Variants in ZBTB7B observed in about 807,000 individuals in gnomAD.
ZBTB7B encodes zinc finger and BTB domain-containing protein 7B.
In ZBTB7B, 8 loss-of-function variants were observed where a neutral mutation model predicts 31.0. The observed-to-expected ratio is 0.26, with a 90% CI of 0.15 to 0.47. The LOEUF is 0.47. Among genes scored for constraint, ZBTB7B ranks in the 20% least tolerant of loss-of-function variants. The pLI, the probability that ZBTB7B is intolerant of heterozygous loss-of-function variation, is 0.99. For missense variants in ZBTB7B, 494 were observed against 742.4 expected (o/e 0.67, Z 3.89); for synonymous variants, 261 against 307.3 (o/e 0.85, Z 1.58).
chr1:155,018,340 G>T lies in ZBTB7B; in HGVS notation c.*1655G>T, dbSNP rs1659619155. 1 of 600,162 alleles carries T rather than the reference G, an allele frequency of 1.7e-6. No individual in the cohort carries two copies. Among genetic ancestry groups the T allele is most frequent in the Middle Eastern group, 4.4e-4 (1 of 2,272 alleles). 37.2% of individuals were successfully genotyped at this position (600,162 alleles called of 1,614,324 possible). Reference sequence around the variant, plus strand: ...AGGTGATGGGGGGAGCCCAGGGCTGGGGAGACCTGGGGCCCAGCCCCAGAA... The same window carrying T: ...AGGTGATGGGGGGAGCCCAGGGCTGTGGAGACCTGGGGCCCAGCCCCAGAA... On this transcript the variant is annotated 3_prime_UTR_variant, in exon 3 of 3. Coordinates refer to ENST00000535420, the MANE Select transcript of ZBTB7B (RefSeq NM_001256455.2).
Position 155,003,367 on chromosome 1 carries a change from C to A in ZBTB7B, c.-7+424C>A, listed in dbSNP as rs866555054. ...ACTAGGACAACGCGCACCCCCCCCCCACCCCGCGCCCCCTGGCGCGGTGGA... is the reference window on the plus strand; with the variant it reads ...ACTAGGACAACGCGCACCCCCCCCCAACCCCGCGCCCCCTGGCGCGGTGGA... On this transcript the variant is annotated intron_variant, in intron 1 of 2. Coordinates refer to ENST00000535420, the MANE Select transcript of ZBTB7B (RefSeq NM_001256455.2). This position sits in a 1 kb window ranked among gnomAD's most constrained non-coding sequence, Gnocchi z 5.8. 4.8e-4 allele frequency among the ~76,000 whole-genome samples: 71 copies of A among 148,104 alleles called. No individual in the cohort carries two copies. The highest frequency in any genetic ancestry group is 2.2e-3 in the South Asian group (10 of 4,640).
chr1:155,015,665 G>T lies in ZBTB7B; in HGVS notation c.1005G>T (p.Lys335Asn). ...CACCAGGCCTGGACAGCCAAGACAAGCTGGTGCGCAAACGCCGCTCCCAGA... is the reference window on the plus strand; with the variant it reads ...CACCAGGCCTGGACAGCCAAGACAATCTGGTGCGCAAACGCCGCTCCCAGA... ...NLAPGLDSQD[K>N]LVRKRRSQMP... The change falls in exon 2 of 3, where the codon AAG becomes AAT. Residue 335 changes from lysine to asparagine, a missense_variant. This residue lies in a region of ZBTB7B where 216 missense variants were observed against 229.3 expected (regional missense o/e 0.94). Transcript: ENST00000535420. 1 of 1,613,288 alleles carries T rather than the reference G, an allele frequency of 6.2e-7. No homozygotes were observed. The highest frequency in any genetic ancestry group is 1.1e-5 in the South Asian group (1 of 91,040).
Position 155,016,751 on chromosome 1 carries a change from C to T in ZBTB7B, c.*66C>T, listed in dbSNP as rs958403341. The stretch of plus-strand genomic sequence containing the variant: ...ACACCCATGCCAAGCAGTGGGAGCA[C>T]GCAGGACAGACACAGCAGGGGTCTG... On this transcript the variant is annotated 3_prime_UTR_variant, in exon 3 of 3. Transcript: ENST00000535420. The surrounding 1 kb of genome is among the most constrained non-coding windows in gnomAD (Gnocchi z 4.3). 45 of 935,330 alleles carry T rather than the reference C, an allele frequency of 4.8e-5. No homozygotes were observed. Among genetic ancestry groups the T allele is most frequent in the Non-Finnish European group, 6.4e-5 (40 of 626,438 alleles). 57.9% of individuals were successfully genotyped at this position (935,330 alleles called of 1,614,324 possible).
Position 155,018,365 on chromosome 1 carries a change from A to G in ZBTB7B, c.*1680A>G. 1 of 639,424 alleles carries G rather than the reference A, an allele frequency of 1.6e-6. No homozygotes were observed. The highest frequency in any genetic ancestry group is 2.7e-6 in the Non-Finnish European group (1 of 376,600). The allele number at this position is 639,424 out of a possible 1,614,324, so 39.6% of individuals were successfully genotyped here. A position where few individuals can be genotyped will look rare whatever the true frequency, so the allele number is the denominator to read the frequency against. On this transcript the variant is annotated 3_prime_UTR_variant, in exon 3 of 3. Transcript: ENST00000535420. ...GGGAGACCTGGGGCCCAGCCCCAGA[A>G]AGTGGGGACAATGTGGCCTCCCTTC... is the stretch of plus-strand genomic sequence containing the variant.
In ZBTB7B at chr1:155,016,638, G is replaced by T; in HGVS notation, c.1573G>T (p.Gly525Trp). 6.2e-7 allele frequency: 1 copy of T among 1,603,118 alleles called. No individual in the cohort carries two copies. Among genetic ancestry groups the T allele is most frequent in the African/African-American group, 1.3e-5 (1 of 74,914 alleles). ...PGPPDDDEEE[G>W]APTTPQAEGA... is the part of the protein sequence containing the mutation. ...GCCCCCTGATGACGATGAGGAGGAAGGGGCACCCACCACACCCCAGGCTGA... is the reference window on the plus strand; with the variant it reads ...GCCCCCTGATGACGATGAGGAGGAATGGGCACCCACCACACCCCAGGCTGA... Residue 525 changes from glycine (G) to tryptophan (W), a missense_variant, in exon 3 of 3, where the codon GGG becomes TGG. Coordinates refer to ENST00000535420, the MANE Select transcript of ZBTB7B (RefSeq NM_001256455.2). This position sits in a 1 kb window ranked among gnomAD's most constrained non-coding sequence, Gnocchi z 4.3.
At chr1:155,001,922 C>A (rs934112305), upstream of ZBTB7B, among the ~76,000 whole-genome samples, 3 of 151,812 alleles carry the variant, frequency 2.0e-5, no homozygotes, top group African/African-American at 4.8e-5. This position sits in a 1 kb window ranked among gnomAD's most constrained non-coding sequence, Gnocchi z 4.8. Context: ...TTCTAGGTCC[C>A]TGACCTGATT....
At chr1:155,011,151 G>T in intron 1 of ZBTB7B, 1 of 823,204 alleles carries the variant, frequency 1.2e-6, no homozygotes, top group Non-Finnish European at 1.9e-6. Context: ...CCCCAGGGTG[G>T]GGGAAAGGGG....
At chr1:155,010,101 G>T (rs1658848202) in intron 1 of ZBTB7B, among the ~76,000 whole-genome samples, 1 of 152,172 alleles carries the variant, frequency 6.6e-6, no homozygotes, top group African/African-American at 2.4e-5. Flanking sequence ...AATACCCAAA[G>T]GTGGCGGCGC....
intron 1 of ZBTB7B, among the ~76,000 whole-genome samples, chr1:155,008,904 C>A (rs569929379): frequency 6.6e-6 from 1 of 152,038 alleles, no homozygotes; most frequent in African/African-American, 2.4e-5. Flanking sequence ...CTACCTCCCC[C>A]CAAGCCTGGC....
chr1:155,016,692 A>T lies in ZBTB7B; in HGVS notation c.*7A>T. ...TGCCATGGAGTCCTCTTAAAGAGGG[A>T]CGAGGGCCAGACTGAAGCAGCACAA... On this transcript the variant is annotated 3_prime_UTR_variant, in exon 3 of 3. Coordinates refer to ENST00000535420, the MANE Select transcript of ZBTB7B (RefSeq NM_001256455.2). This position sits in a 1 kb window ranked among gnomAD's most constrained non-coding sequence, Gnocchi z 4.3. 6.8e-7 allele frequency: 1 copy of T among 1,467,018 alleles called. No individual in the cohort carries two copies. The highest frequency in any genetic ancestry group is 2.3e-5 in the East Asian group (1 of 42,922). 90.9% of individuals were successfully genotyped at this position (1,467,018 alleles called of 1,614,324 possible). A position where few individuals can be genotyped will look rare whatever the true frequency, so the allele number is the denominator to read the frequency against.
chr1:155,015,023 G>C lies in ZBTB7B; in HGVS notation c.363G>C (p.Val121=), dbSNP rs946862051. 1 of 1,613,928 alleles carries C rather than the reference G, an allele frequency of 6.2e-7. No individual in the cohort carries two copies. Among genetic ancestry groups the C allele is most frequent in the African/African-American group, 1.3e-5 (1 of 75,028 alleles). ...LTTSSANMPA[V]LQAARLLEIP... ...CCAGCAGCGCCAACATGCCAGCTGT[G>C]CTCCAGGCTGCCCGCCTGCTGGAGA... Residue 121 remains valine (V), a synonymous_variant, in exon 2 of 3, where the codon GTG becomes GTC. Transcript: ENST00000535420.
upstream of ZBTB7B, among the ~76,000 whole-genome samples, chr1:155,002,069 C>G (rs919476228): frequency 2.0e-5 from 3 of 151,598 alleles, no homozygotes; most frequent in African/African-American, 7.3e-5. Context: ...AGAGGGAGCC[C>G]CTGTAGGGGG....
rs758680649 is a variant in ZBTB7B at position 155,015,789 on chromosome 1, G to C, written c.1129G>C (p.Glu377Gln). ...THTGEKPFAC[E>Q]VCGVRFTRND... Reference sequence around the variant, plus strand: ...CACAGGCGAGAAGCCCTTTGCCTGCGAGGTCTGCGGTGTTCGATTCACCAG... The same window carrying C: ...CACAGGCGAGAAGCCCTTTGCCTGCCAGGTCTGCGGTGTTCGATTCACCAG... Residue 377 changes from glutamate (E) to glutamine (Q), a missense_variant, in exon 2 of 3, where the codon GAG (glutamate) becomes CAG (glutamine). Glu to Gln is a conservative substitution (Grantham distance 29, BLOSUM62 2). Around this residue, in one of 5 missense-constraint regions of ZBTB7B, gnomAD observed 61 missense variants for 170.0 expected, o/e 0.36. Coordinates refer to ENST00000535420, the MANE Select transcript of ZBTB7B (RefSeq NM_001256455.2). 1.2e-6 allele frequency: 2 copies of C among 1,611,690 alleles called. No homozygotes were observed. The highest frequency in any genetic ancestry group is 1.7e-6 in the Non-Finnish European group (2 of 1,179,540).
chr1:155,008,812 G>A (rs1427245346), intron 1 of ZBTB7B, among the ~76,000 whole-genome samples: 2 of 151,998 alleles, frequency 1.3e-5, no homozygotes, highest in Non-Finnish European at 2.9e-5. Flanking sequence ...CACCCAGAGG[G>A]TTAAGGCTGT....
At position 155,018,442 on chromosome 1, in the gene ZBTB7B, C is replaced by A. The variant is rs532972227; in HGVS notation, c.*1757C>A. ...TGCCTTAGGGGGAGAGGCACTCCCCCCCTCCTATTCCCTTCCCCCCACCCC... is the reference window on the plus strand; with the variant it reads ...TGCCTTAGGGGGAGAGGCACTCCCCACCTCCTATTCCCTTCCCCCCACCCC... On this transcript the variant is annotated 3_prime_UTR_variant, in exon 3 of 3. Coordinates refer to ENST00000535420, the MANE Select transcript of ZBTB7B (RefSeq NM_001256455.2). 3.0e-5 allele frequency: 36 copies of A among 1,198,970 alleles called. No individual in the cohort carries two copies. Among genetic ancestry groups the A allele is most frequent in the East Asian group, 1.5e-4 (6 of 39,138 alleles). 74.3% of individuals were successfully genotyped at this position (1,198,970 alleles called of 1,614,324 possible).
In ZBTB7B at chr1:155,004,625, G is replaced by C. The variant is rs879653160; in HGVS notation, c.-7+1682G>C. ...CTGCGCTAGAGAGGGACATATGTGT[G>C]ACTATGTCTGGATGATAGTTAGTGT... On this transcript the variant is annotated intron_variant, in intron 1 of 2. Transcript: ENST00000535420. The surrounding 1 kb of genome is among the most constrained non-coding windows in gnomAD (Gnocchi z 4.0). 7.9e-5 allele frequency among the ~76,000 whole-genome samples: 12 copies of C among 152,126 alleles called. No individual in the cohort carries two copies. The highest frequency in any genetic ancestry group is 1.3e-4 in the Admixed American group (2 of 15,280).
chr1:155,015,345 C>A lies in ZBTB7B; in HGVS notation c.685C>A (p.His229Asn), dbSNP rs1249430571. 6.3e-7 allele frequency: 1 copy of A among 1,590,686 alleles called. No individual in the cohort carries two copies. The highest frequency in any genetic ancestry group is 1.1e-5 in the South Asian group (1 of 88,078). ...LVPEVPTVPA[H>N]PLTYEEEEVA... ...CCCTGAGGTGCCCACAGTGCCCGCC[C>A]ATCCCTTGACCTATGAGGAGGAGGA... is the stretch of plus-strand genomic sequence containing the variant. Residue 229 changes from histidine to asparagine, a missense_variant, in exon 2 of 3, where the codon CAT becomes AAT. His to Asn is a moderately conservative substitution (Grantham distance 68). Around this residue, in one of 5 missense-constraint regions of ZBTB7B, gnomAD observed 216 missense variants for 229.3 expected, o/e 0.94. Transcript: ENST00000535420.
At position 155,014,985 on chromosome 1, in the gene ZBTB7B, G is replaced by T. The variant is rs1177950489; in HGVS notation, c.325G>T (p.Ala109Ser). 1 of 1,613,930 alleles carries T rather than the reference G, an allele frequency of 6.2e-7. No homozygotes were observed. The highest frequency in any genetic ancestry group is 1.1e-5 in the South Asian group (1 of 91,084). The change falls in exon 2 of 3, where the codon GCC becomes TCC. Residue 109 changes from alanine (A) to serine (S), a missense_variant. Transcript: ENST00000535420. ...CGCCCTCCTTGAATTTGCCTATACAGCCACACTGACCACCAGCAGCGCCAA... is the reference window on the plus strand; with the variant it reads ...CGCCCTCCTTGAATTTGCCTATACATCCACACTGACCACCAGCAGCGCCAA... Reference protein sequence around the residue: ...LGALLEFAYTATLTTSSANMP... With the variant: ...LGALLEFAYTSTLTTSSANMP...
chr1:155,017,369 CCCAGCTAGGG>C lies in ZBTB7B; in HGVS notation c.*685_*694del, dbSNP rs1659531139. ...CCCTGGGGGCAGTAGAGGGGCCCCG[CCCAGCTAGGG>C]GAGCCGCTCCGTTCCACTCCCCTCC... On this transcript the variant is annotated 3_prime_UTR_variant, in exon 3 of 3. Transcript: ENST00000535420. The C allele has an allele frequency of 9.3e-6, 1 of 107,250 alleles. No homozygotes were observed. Among genetic ancestry groups the C allele is most frequent in the Non-Finnish European group, 2.3e-5 (1 of 43,994 alleles). The allele number at this position is 107,250 out of a possible 1,614,324, so 6.6% of individuals were successfully genotyped here.
Sources: gnomAD v4.1 joint callset for allele counts (sites outside exome capture counted in the v4.1 genomes callset) on GRCh38, gnomAD v4.1.1 for gene constraint, gnomAD v4.1.1 regional missense constraint, Gnocchi (gnomAD v3.1) non-coding constraint, MANE v1.5 for transcripts, NCBI Gene and HGNC (gene_info 2026-07-23, HGNC 2026-07-21) for gene names.